GAREM1: variants seen among roughly 807,000 people sequenced by gnomAD.
The protein encoded by GAREM1 is GRB2-associated and regulator of MAPK protein 1.
A neutral mutation model predicts 71.3 loss-of-function variants in GAREM1; 26 were observed. The ratio of observed to expected loss-of-function variants is 0.36; its 90% CI spans 0.27 to 0.51. The LOEUF (loss-of-function observed/expected upper bound fraction) is 0.51, where lower values mean the gene tolerates loss of function less well. GAREM1 is among the 20% of genes least tolerant of loss of function. The probability of loss-of-function intolerance (pLI) is 0.95; values close to 1 mark genes in which losing one functional copy is unlikely to be tolerated. For missense variants in GAREM1, 1,026 were observed against 1,103.1 expected (o/e 0.93, Z 0.99); for synonymous variants, 440 against 433.2 (o/e 1.02, Z -0.20).
At chr18:32,299,707 GAA>G (rs1480516795) in intron 3 of GAREM1, among the ~76,000 whole-genome samples, 2 of 152,004 alleles carry the variant, frequency 1.3e-5, no homozygotes, top group Non-Finnish European at 2.9e-5. Context: ...AGCTTATGTT[GAA>G]AGCCTGTGAG....
chr18:32,416,980 A>T (rs1223087253), intron 1 of GAREM1, among the ~76,000 whole-genome samples: 7 of 152,224 alleles, frequency 4.6e-5, no homozygotes, highest in Admixed American at 4.6e-4. Context: ...CTGACAAGGG[A>T]TTCATAACCA....
At chr18:32,333,437 T>C (rs1028980644) in intron 2 of GAREM1, among the ~76,000 whole-genome samples, 4 of 152,124 alleles carry the variant, frequency 2.6e-5, no homozygotes, top group East Asian at 1.9e-4. Context: ...GGAAAGACCA[T>C]GGGTCTGATG....
intron 1 of GAREM1, among the ~76,000 whole-genome samples, chr18:32,402,047 A>G (rs1299296205): frequency 6.6e-6 from 1 of 152,206 alleles, no homozygotes; most frequent in Non-Finnish European, 1.5e-5. Context: ...ATAAAACTTA[A>G]TATAATCACT....
chr18:32,291,294 C>T (rs1210858473), intron 3 of GAREM1, among the ~76,000 whole-genome samples: 2 of 134,662 alleles, frequency 1.5e-5, no homozygotes, highest in African/African-American at 5.4e-5. Context: ...TTAGTATATA[C>T]ATTTTCTTTT....
intron 1 of GAREM1, among the ~76,000 whole-genome samples, chr18:32,447,731 G>A (rs1287401369): frequency 6.6e-6 from 1 of 152,074 alleles, no homozygotes; most frequent in Non-Finnish European, 1.5e-5. Flanking sequence ...AAAATTTCTT[G>A]ATGATAGGGA....
At chr18:32,321,647 T>G (rs1374307480) in intron 2 of GAREM1, among the ~76,000 whole-genome samples, 1 of 152,202 alleles carries the variant, frequency 6.6e-6, no homozygotes, top group African/African-American at 2.4e-5. Flanking sequence ...ACCATAAAAG[T>G]CAGAAAGGAT....
chr18:32,268,810 A>G, intron 5 of GAREM1, 42 bp from the exon 6 acceptor site: 1 of 1,551,606 alleles, frequency 6.4e-7, no homozygotes, highest in Non-Finnish European at 8.8e-7. Flanking sequence ...TAAAAGAAAA[A>G]AGCCAAATCC....
chr18:32,357,792 C>T (rs1034999546), intron 2 of GAREM1, among the ~76,000 whole-genome samples: 1 of 152,260 alleles, frequency 6.6e-6, no homozygotes, highest in East Asian at 1.9e-4. Flanking sequence ...AGCTATACAG[C>T]TATCTCTGGA....
chr18:32,386,370 T>C (rs188277743), intron 2 of GAREM1, among the ~76,000 whole-genome samples: 55 of 152,330 alleles, frequency 3.6e-4, no homozygotes, highest in African/African-American at 1.2e-3. Flanking sequence ...AAACAGGCAC[T>C]GCTGATATAA....
chr18:32,395,053 T>C (rs1004074449), intron 1 of GAREM1, among the ~76,000 whole-genome samples: 2 of 152,188 alleles, frequency 1.3e-5, no homozygotes, highest in Non-Finnish European at 2.9e-5. Flanking sequence ...TCTATAAATA[T>C]TGTAATTCAA....
intron 4 of GAREM1, among the ~76,000 whole-genome samples, chr18:32,274,927 TGGTA>T (rs1239008362): frequency 6.7e-6 from 1 of 149,850 alleles, no homozygotes; most frequent in East Asian, 1.9e-4. Flanking sequence ...ACAGAATGCC[TGGTA>T]GGTGTTAAGA....
intron 3 of GAREM1, among the ~76,000 whole-genome samples, chr18:32,290,653 A>AG (rs1374484277): frequency 6.6e-6 from 1 of 151,900 alleles, no homozygotes; most frequent in African/African-American, 2.4e-5. Flanking sequence ...AAAAAAAAAA[A>AG]AAAAAAAGAA....
In GAREM1 at chr18:32,310,254, T is replaced by A; in HGVS notation, c.332A>T (p.Glu111Val). ...EPVQYFNSVE[E>V]VAKAFPERVY... is the part of the protein sequence containing the mutation. ...GCGTTCAGGAAATGCCTTAGCCACC[T>A]CCTCCACACTGTTGAAATATTGCAC... The change falls in exon 3 of 6, where the codon GAG becomes GTG. Residue 111 changes from glutamate to valine, a missense_variant. By Grantham distance (121) the Glu-to-Val change is moderately radical. Coordinates refer to ENST00000269209, the MANE Select transcript of GAREM1 (RefSeq NM_001242409.2). The A allele has an allele frequency of 6.2e-7, 1 of 1,613,934 alleles. No individual in the cohort carries two copies. The highest frequency in any genetic ancestry group is 8.5e-7 in the Non-Finnish European group (1 of 1,179,926).
At chr18:32,312,496 G>A (rs1352644443) in intron 2 of GAREM1, among the ~76,000 whole-genome samples, 1 of 152,182 alleles carries the variant, frequency 6.6e-6, no homozygotes. Flanking sequence ...GGCAGCAGAA[G>A]AGCTGGGCTA....
intron 2 of GAREM1, among the ~76,000 whole-genome samples, chr18:32,339,873 T>C (rs7237501): frequency 0.12 from 17,577 of 152,232 alleles, 2,038 homozygotes; most frequent in African/African-American, 0.3. Flanking sequence ...GAATGTTTCC[T>C]GAAGCTGTTC....
chr18:32,406,265 A>G (rs903775371), intron 1 of GAREM1, among the ~76,000 whole-genome samples: 2 of 152,120 alleles, frequency 1.3e-5, no homozygotes, highest in African/African-American at 4.8e-5. Context: ...CCTGGACTCA[A>G]GCAATCCACC....
intron 2 of GAREM1, among the ~76,000 whole-genome samples, chr18:32,332,914 C>T (rs73956881): frequency 0.052 from 7,937 of 151,830 alleles, 217 homozygotes; most frequent in South Asian, 0.065. Flanking sequence ...AATATAGTGG[C>T]CTAGGACATG....
At chr18:32,333,400 G>A (rs1221908301) in intron 2 of GAREM1, among the ~76,000 whole-genome samples, 7 of 152,174 alleles carry the variant, frequency 4.6e-5, no homozygotes. Flanking sequence ...AGTGTCTGGG[G>A]CTACAGAGGG....
chr18:32,373,125 T>C (rs1598998659), intron 2 of GAREM1, among the ~76,000 whole-genome samples: 1 of 152,196 alleles, frequency 6.6e-6, no homozygotes, highest in African/African-American at 2.4e-5. Context: ...ATATAGTAGA[T>C]AAATATCTAA....
Sources: allele counts gnomAD v4.1 joint callset (sites outside exome capture counted in the v4.1 genomes callset), GRCh38; gene constraint gnomAD v4.1.1; transcripts MANE v1.5; gene names NCBI Gene and HGNC (gene_info 2026-07-23, HGNC 2026-07-21).